The following TPO variants were observed in gnomAD, a reference collection of about 807,000 sequenced individuals.
TPO encodes the protein thyroid peroxidase.
In TPO, 78 loss-of-function variants were observed where a neutral mutation model predicts 96.9. The ratio of observed to expected loss-of-function variants is 0.81; its 90% CI spans 0.67 to 0.97. TPO has a LOEUF of 0.97. TPO is among the 50% of genes least tolerant of loss of function. TPO has a pLI of 0.00. For synonymous variants in TPO, 547 were observed against 538.0 expected (o/e 1.02, Z -0.23); for missense variants, 1,252 against 1,274.8 (o/e 0.98, Z 0.27).
chr2:1,466,830 G>T (rs1303276925), intron 7 of TPO, among the ~76,000 whole-genome samples: 1 of 151,948 alleles, frequency 6.6e-6, no homozygotes, highest in Non-Finnish European at 1.5e-5. Flanking sequence ...CAAAGAACCA[G>T]GTTTTTGTTT....
intron 15 of TPO, among the ~76,000 whole-genome samples, chr2:1,527,861 T>TCCTCAAATCCCCCCC (rs1676976464): frequency 6.9e-5 from 1 of 14,528 alleles, no homozygotes; most frequent in Non-Finnish European, 1.4e-4. Flanking sequence ...TCCCCCCCAC[T>TCCTCAAATCCCCCCC]GTGTTCAACC....
At chr2:1,474,759 T>G (rs1288983969) in intron 7 of TPO, among the ~76,000 whole-genome samples, 2 of 151,918 alleles carry the variant, frequency 1.3e-5, no homozygotes, top group Admixed American at 6.6e-5. Flanking sequence ...CTCTCCTGCA[T>G]GCCTGAGCCC....
At chr2:1,493,186 T>TTG (rs142912352) in intron 10 of TPO, among the ~76,000 whole-genome samples, 961 of 88,642 alleles carry the variant, frequency 0.011, 17 homozygotes, top group African/African-American at 0.035. Flanking sequence ...ATAAAGATAT[T>TTG]TGTGTGTGTG....
chr2:1,522,424 C>T (rs1467106732), intron 15 of TPO, among the ~76,000 whole-genome samples: 8 of 144,482 alleles, frequency 5.5e-5, no homozygotes, highest in Admixed American at 2.1e-4. Context: ...ACCGTGCCCT[C>T]GCAGTCTCTC....
At chr2:1,540,861 C>T (rs758579196) in intron 16 of TPO, 138 bp downstream of exon 16, 48 of 1,556,636 alleles carry the variant, frequency 3.1e-5, no homozygotes, top group South Asian at 1.8e-4. Flanking sequence ...CACCTTCCTC[C>T]GGGAGGTTTT....
At chr2:1,487,204 GCTT>G (rs1408934513) in intron 9 of TPO, among the ~76,000 whole-genome samples, 1 of 111,540 alleles carries the variant, frequency 9.0e-6, no homozygotes, top group African/African-American at 4.0e-5. Flanking sequence ...TTCAGCAAAC[GCTT>G]CTTTTTTTTG....
chr2:1,480,519 G>A (rs115666125), intron 8 of TPO, among the ~76,000 whole-genome samples: 59 of 140,786 alleles, frequency 4.2e-4, no homozygotes, highest in African/African-American at 1.5e-3. Context: ...CCTTATGAAA[G>A]AGAAATAGCA....
At chr2:1,499,135 A>G (rs902469283) in intron 13 of TPO, among the ~76,000 whole-genome samples, 3 of 152,134 alleles carry the variant, frequency 2.0e-5, no homozygotes, top group African/African-American at 7.2e-5. Flanking sequence ...AAGATGGGTG[A>G]GACCTTAGAG....
At chr2:1,392,933 G>A (rs1311420870) in intron 1 of TPO, among the ~76,000 whole-genome samples, 1 of 151,996 alleles carries the variant, frequency 6.6e-6, no homozygotes, top group Non-Finnish European at 1.5e-5. Context: ...TGAAATATGT[G>A]TAATGTTTTA....
Position 1,433,502 on chromosome 2 carries a change from C to T in TPO, c.244C>T (p.Pro82Ser). Residue 82 changes from proline (P) to serine (S), a missense_variant, in exon 4 of 17, where the codon CCA becomes TCA. Pro to Ser is a moderately conservative substitution (Grantham distance 74). Transcript: ENST00000329066. ...QLLSFSKLPE[P>S]TSGVIARAAE... ...TCTGTCTTTTTCCAAACTTCCTGAG[C>T]CAACAAGCGGAGTGATTGCCCGAGC... 1.2e-6 allele frequency: 2 copies of T among 1,614,178 alleles called. No homozygotes were observed. Among genetic ancestry groups the T allele is most frequent in the Non-Finnish European group, 8.5e-7 (1 of 1,180,044 alleles).
At chr2:1,425,239 T>A (rs1383018222) in intron 3 of TPO, among the ~76,000 whole-genome samples, 1 of 151,808 alleles carries the variant, frequency 6.6e-6, no homozygotes, top group Non-Finnish European at 1.5e-5. Context: ...ATGAGTTCGA[T>A]CATTTCATAT....
At chr2:1,452,286 T>C (rs868111262) in intron 5 of TPO, among the ~76,000 whole-genome samples, 42 of 152,224 alleles carry the variant, frequency 2.8e-4, no homozygotes, top group African/African-American at 9.9e-4. Flanking sequence ...GGAATTAGTT[T>C]ATTGATGAGA....
intron 10 of TPO, 26 bp downstream of exon 10, chr2:1,488,017 C>G (rs771755887): frequency 6.2e-7 from 1 of 1,611,792 alleles, no homozygotes. Context: ...CCCTTGCACA[C>G]CTCATGCAGC....
At chr2:1,423,169 A>G in intron 3 of TPO, 40 bp downstream of exon 3, 1 of 1,592,728 alleles carries the variant, frequency 6.3e-7, no homozygotes, top group Non-Finnish European at 8.6e-7. Context: ...AATGCCACCG[A>G]CAGGCGCATC....
intron 7 of TPO, among the ~76,000 whole-genome samples, chr2:1,476,311 C>T: frequency 6.6e-6 from 1 of 152,200 alleles, no homozygotes; most frequent in East Asian, 1.9e-4. Context: ...TGACACCTCA[C>T]CAGGGAGGAA....
At chr2:1,420,783 C>T (rs1476703387) in intron 2 of TPO, among the ~76,000 whole-genome samples, 2 of 152,044 alleles carry the variant, frequency 1.3e-5, no homozygotes, top group Non-Finnish European at 2.9e-5. Context: ...TCAAGAGCTC[C>T]TTCTACTAAG....
chr2:1,481,936 C>T (rs752572075), intron 8 of TPO, among the ~76,000 whole-genome samples: 12 of 152,316 alleles, frequency 7.9e-5, no homozygotes, highest in Non-Finnish European at 1.2e-4. Context: ...CGCCATGCTG[C>T]AGGGCTTCCT....
intron 9 of TPO, among the ~76,000 whole-genome samples, 160 bp from the exon 10 acceptor site, chr2:1,487,661 C>T (rs924587152): frequency 2.0e-5 from 3 of 151,876 alleles, no homozygotes; most frequent in South Asian, 2.1e-4. Flanking sequence ...GGCGTGAACC[C>T]GGGAGGCAGA....
At chr2:1,525,582 T>C (rs1573551574) in intron 15 of TPO, among the ~76,000 whole-genome samples, 2 of 30,684 alleles carry the variant, frequency 6.5e-5, no homozygotes, top group African/African-American at 1.5e-4. Flanking sequence ...CCCCCAAATC[T>C]CCCTATGACC....
Sources: allele counts gnomAD v4.1 joint callset (sites outside exome capture counted in the v4.1 genomes callset), GRCh38; gene constraint gnomAD v4.1.1; transcripts MANE v1.5; gene names NCBI Gene and HGNC (gene_info 2026-07-23, HGNC 2026-07-21).